The following CFAP45 variants were observed in gnomAD, a reference collection of about 807,000 sequenced individuals.
CFAP45 encodes cilia and flagella associated protein 45.
In CFAP45, 43 loss-of-function variants were observed where a neutral mutation model predicts 75.6. The observed-to-expected ratio is 0.57, with a 90% confidence interval of 0.45 to 0.73. The LOEUF (loss-of-function observed/expected upper bound fraction) is 0.73. Among genes scored for constraint, CFAP45 ranks in the 30% least tolerant of loss-of-function variants. The pLI is 0.00. For synonymous variants in CFAP45, 223 were observed against 244.6 expected (o/e 0.91, Z 0.82); for missense variants, 689 against 701.5 (o/e 0.98, Z 0.20).
Position 159,876,754 on chromosome 1 carries a change from G to A in CFAP45, c.1159-5C>T. The A allele has an allele frequency of 6.2e-7, 1 of 1,614,144 alleles. No homozygotes were observed. The highest frequency in any genetic ancestry group is 8.5e-7 in the Non-Finnish European group (1 of 1,180,030). The stretch of plus-strand genomic sequence containing the variant: ...GCGCTTGGCCCGCAAGGCATCCTGG[G>A]AATGTTGGCAGGGGACCAGTGAGGG... On this transcript the variant is annotated splice_polypyrimidine_tract_variant and splice_region_variant and intron_variant, in intron 9 of 11. Coordinates refer to ENST00000368099, the MANE Select transcript of CFAP45 (RefSeq NM_012337.3).
chr1:159,897,340 T>C (rs1649976037), intron 1 of CFAP45, among the ~76,000 whole-genome samples: 1 of 151,972 alleles, frequency 6.6e-6, no homozygotes, highest in South Asian at 2.1e-4. Flanking sequence ...TCCCAGCACT[T>C]TGGGAGGCCA....
At chr1:159,885,248 A>G (rs1270816286) in intron 6 of CFAP45, among the ~76,000 whole-genome samples, 1 of 152,246 alleles carries the variant, frequency 6.6e-6, no homozygotes, top group Admixed American at 6.5e-5. Context: ...TCAAATCATT[A>G]CAGTTGCCTA....
Position 159,873,078 on chromosome 1 carries a change from C to T in CFAP45, c.1443G>A (p.Gln481=). 6.2e-7 allele frequency: 1 copy of T among 1,614,234 alleles called. No individual in the cohort carries two copies. ...CTTCCTTCTGCTGGTTCTCGCGCACCTGGCGCCGGAGCTCATTGGCATGCT... is the reference window on the plus strand; with the variant it reads ...CTTCCTTCTGCTGGTTCTCGCGCACTTGGCGCCGGAGCTCATTGGCATGCT... The part of the protein sequence containing the change: ...RLQHANELRR[Q]VRENQQKEVQ... Residue 481 remains glutamine, a synonymous_variant, in exon 11 of 12, where the codon CAG becomes CAA. Transcript: ENST00000368099.
intron 1 of CFAP45, among the ~76,000 whole-genome samples, chr1:159,899,462 C>CTTTTT (rs57828010): frequency 6.6e-5 from 4 of 60,546 alleles, no homozygotes; most frequent in Admixed American, 2.3e-4. Flanking sequence ...CTCACCAGTG[C>CTTTTT]TTTTTTTTTT....
At position 159,872,534 on chromosome 1, in the gene CFAP45, A is replaced by G. The variant is rs1003313613; in HGVS notation, c.1607T>C (p.Ile536Thr). The G allele has an allele frequency of 9.3e-6, 15 of 1,614,158 alleles. 1 individual carries two copies. Among genetic ancestry groups the G allele is most frequent in the South Asian group, 2.2e-5 (2 of 91,090 alleles). The change falls in exon 12 of 12, where the codon ATT becomes ACT. Residue 536 changes from isoleucine to threonine, a missense_variant. By Grantham distance (89) the Ile-to-Thr change is moderately conservative (BLOSUM62 -1). Transcript: ENST00000368099. Reference sequence around the variant, plus strand: ...GATGTTAGCTTTGCGCTCAGCTTCAATGCAGTACTTCTCGGGAAGGCCAGT... The same window carrying G: ...GATGTTAGCTTTGCGCTCAGCTTCAGTGCAGTACTTCTCGGGAAGGCCAGT... ...RATGLPEKYC[I>T]EAERKANILP...
At position 159,880,614 on chromosome 1, in the gene CFAP45, T is replaced by C. The variant is rs1447847484; in HGVS notation, c.984A>G (p.Glu328=). The change falls in exon 8 of 12, where the codon GAA becomes GAG. Residue 328 remains glutamate (E), a synonymous_variant. Transcript: ENST00000368099. The part of the protein sequence containing the change: ...INDENQKQKA[E]LLAQEKLADQ... The stretch of plus-strand genomic sequence containing the variant: ...CTGCCAGCTTCTCCTGAGCCAGCAG[T>C]TCTGCTTTCTGTTTCTGGTTTTCAT... 1.2e-6 allele frequency: 2 copies of C among 1,613,830 alleles called. No homozygotes were observed. Among genetic ancestry groups the C allele is most frequent in the Non-Finnish European group, 1.7e-6 (2 of 1,179,908 alleles).
chr1:159,896,160 C>T (rs1159973275), intron 1 of CFAP45, among the ~76,000 whole-genome samples: 1 of 152,188 alleles, frequency 6.6e-6, no homozygotes, highest in Non-Finnish European at 1.5e-5. Context: ...TTCAAGGACT[C>T]CAACAGGTTT....
At chr1:159,882,001 A>C (rs1394164016) in intron 7 of CFAP45, among the ~76,000 whole-genome samples, 1 of 152,140 alleles carries the variant, frequency 6.6e-6, no homozygotes, top group Non-Finnish European at 1.5e-5. Context: ...TCATCTAACC[A>C]AGGTAACTCT....
intron 1 of CFAP45, among the ~76,000 whole-genome samples, chr1:159,895,009 A>G (rs1481161887): frequency 6.6e-6 from 1 of 152,216 alleles, no homozygotes; most frequent in African/African-American, 2.4e-5. Context: ...TTCCAGCTGC[A>G]GAAACTTCTT....
chr1:159,891,483 G>T (rs901004524), intron 2 of CFAP45, among the ~76,000 whole-genome samples: 1 of 152,188 alleles, frequency 6.6e-6, no homozygotes, highest in African/African-American at 2.4e-5. Context: ...GGAGGTCAGT[G>T]AGTTAGAATT....
intron 11 of CFAP45, 84 bp downstream of exon 11, chr1:159,872,860 C>T: frequency 7.2e-7 from 1 of 1,380,520 alleles, no homozygotes; most frequent in Non-Finnish European, 1.0e-6. Context: ...CCCTTCACCC[C>T]CAAATCCCCA....
chr1:159,894,837 C>A (rs1007983200), intron 1 of CFAP45, among the ~76,000 whole-genome samples: 2 of 152,164 alleles, frequency 1.3e-5, no homozygotes, highest in Admixed American at 6.5e-5. Context: ...ACAAGGAAAA[C>A]CTTTCTGACC....
At chr1:159,889,741 C>T (rs747224699) in intron 3 of CFAP45, among the ~76,000 whole-genome samples, 11 of 152,168 alleles carry the variant, frequency 7.2e-5, no homozygotes, top group Admixed American at 1.3e-4. Flanking sequence ...GGCCGCAGTC[C>T]GACACAGCTC....
intron 1 of CFAP45, among the ~76,000 whole-genome samples, chr1:159,896,773 T>C (rs376635423): frequency 5.3e-5 from 8 of 152,190 alleles, no homozygotes; most frequent in African/African-American, 1.9e-4. Flanking sequence ...ATTTTCGTCT[T>C]GGTGACTCAG....
intron 7 of CFAP45, among the ~76,000 whole-genome samples, chr1:159,883,797 A>T (rs1557913268): frequency 6.6e-6 from 1 of 152,090 alleles, no homozygotes; most frequent in Non-Finnish European, 1.5e-5. Context: ...TGAGGAAAAA[A>T]ATAAATTATC....
rs56408622 is a variant in CFAP45, at chr1:159,877,875, A to AAAATAAATAAATAAATAAAT, written c.1045-433_1045-414dup. Among the ~76,000 whole-genome samples the AAAATAAATAAATAAATAAAT allele has an allele frequency of 9.5e-4, 141 of 149,078 alleles. 2 individuals are homozygous for AAAATAAATAAATAAATAAAT. Among genetic ancestry groups the AAAATAAATAAATAAATAAAT allele is most frequent in the African/African-American group, 2.8e-3 (113 of 40,508 alleles). On this transcript the variant is annotated intron_variant, in intron 8 of 11. Coordinates refer to ENST00000368099, the MANE Select transcript of CFAP45 (RefSeq NM_012337.3). ...GGGCAACAGAGTAAGACCTTGTCTCAAAATAAATAAATAAATAAATAAATA... is the reference window on the plus strand; with the variant it reads ...GGGCAACAGAGTAAGACCTTGTCTCAAAATAAATAAATAAATAAATAAATAAATAAATAAATAAATAAATA...
At chr1:159,884,616 C>T (rs1649632237) in intron 6 of CFAP45, 51 bp from the exon 7 acceptor site, 5 of 1,576,220 alleles carry the variant, frequency 3.2e-6, no homozygotes, top group Non-Finnish European at 3.4e-6. Context: ...TCCACATCTC[C>T]CAGAGTCCAA....
intron 1 of CFAP45, among the ~76,000 whole-genome samples, chr1:159,898,982 T>C (rs1251982689): frequency 6.6e-6 from 1 of 152,240 alleles, no homozygotes; most frequent in Admixed American, 6.5e-5. Context: ...CCCCTGGGCC[T>C]GAAGTCTGTC....
Position 159,876,521 on chromosome 1 carries a change from A to G in CFAP45, c.1352+35T>C, listed in dbSNP as rs183766991. The G allele has an allele frequency of 3.1e-5, 45 of 1,464,866 alleles. No homozygotes were observed. The Middle Eastern group carries it at 2.8e-3, about 90-fold the overall frequency. 90.7% of individuals were successfully genotyped at this position (1,464,866 alleles called of 1,614,324 possible). Reference sequence around the variant, plus strand: ...TATGGACCATCCCTGCTACAGTACAAGGAAAGGAATCCAAGGTTCCCAGGC... The same window carrying G: ...TATGGACCATCCCTGCTACAGTACAGGGAAAGGAATCCAAGGTTCCCAGGC... On this transcript the variant is annotated intron_variant, in intron 10 of 11. Coordinates refer to ENST00000368099, the MANE Select transcript of CFAP45 (RefSeq NM_012337.3).
Sources: allele counts gnomAD v4.1 joint callset (sites outside exome capture counted in the v4.1 genomes callset), GRCh38; gene constraint gnomAD v4.1.1; transcripts MANE v1.5; gene names NCBI Gene and HGNC (gene_info 2026-07-23, HGNC 2026-07-21).